The following HS3ST3A1 variants were observed in gnomAD, a reference collection of about 807,000 sequenced individuals.
HS3ST3A1 encodes the protein heparan sulfate glucosamine 3-O-sulfotransferase 3A1.
A neutral mutation model predicts 25.7 loss-of-function variants in HS3ST3A1; 19 were observed. That is an observed-to-expected ratio of 0.74 (90% CI 0.52 to 1.08). The LOEUF is 1.08. HS3ST3A1 is among the 50% of genes least tolerant of loss of function. The probability of loss-of-function intolerance (pLI) is 0.00; values close to 1 mark genes in which losing one functional copy is unlikely to be tolerated. For synonymous variants in HS3ST3A1, 226 were observed against 278.6 expected, an observed-to-expected ratio of 0.81 and a Z score of 1.88; for missense variants, 459 against 594.3, an observed-to-expected ratio of 0.77 and a Z score of 2.37.
At chr17:13,558,309 T>G (rs558060129) in intron 1 of HS3ST3A1, among the ~76,000 whole-genome samples, 1 of 152,002 alleles carries the variant, frequency 6.6e-6, no homozygotes, top group African/African-American at 2.4e-5. Flanking sequence ...AAACAAAAAT[T>G]GGATGTGCAA....
At chr17:13,555,949 T>C (rs1265266603) in intron 1 of HS3ST3A1, 2 of 152,140 alleles carry the variant, frequency 1.3e-5, no homozygotes, top group Non-Finnish European at 2.9e-5. Flanking sequence ...ATACCTTTGG[T>C]TTCGTTAGAT....
chr17:13,546,707 T>C (rs972354174), intron 1 of HS3ST3A1, among the ~76,000 whole-genome samples: 3 of 152,224 alleles, frequency 2.0e-5, no homozygotes, highest in African/African-American at 7.2e-5. Context: ...CTTAATTTGC[T>C]CACCTGAAAA....
intron 1 of HS3ST3A1, among the ~76,000 whole-genome samples, chr17:13,566,567 C>G (rs1907680212): frequency 6.6e-6 from 1 of 152,318 alleles, no homozygotes; most frequent in African/African-American, 2.4e-5. Context: ...AGGCTGAAAG[C>G]TAGGCCTCCT....
At chr17:13,565,694 G>A (rs899774617) in intron 1 of HS3ST3A1, among the ~76,000 whole-genome samples, 2 of 152,200 alleles carry the variant, frequency 1.3e-5, no homozygotes, top group African/African-American at 2.4e-5. Context: ...GGATGGATGA[G>A]TGTGTTTACC....
At chr17:13,542,985 C>G (rs1222442269) in intron 1 of HS3ST3A1, among the ~76,000 whole-genome samples, 20 of 152,174 alleles carry the variant, frequency 1.3e-4, no homozygotes. Context: ...GCTGCACACA[C>G]AGCAGTTCCT....
intron 1 of HS3ST3A1, among the ~76,000 whole-genome samples, chr17:13,585,300 A>C (rs1474606600): frequency 7.1e-6 from 1 of 141,202 alleles, no homozygotes; most frequent in East Asian, 2.2e-4. Flanking sequence ...CCCGGGTTCA[A>C]GCGATTCTCC....
intron 1 of HS3ST3A1, among the ~76,000 whole-genome samples, chr17:13,506,901 CAAAAAA>C (rs958583882): frequency 3.0e-5 from 3 of 101,240 alleles, no homozygotes; most frequent in Non-Finnish European, 6.5e-5. Context: ...TACTAAAATA[CAAAAAA>C]AAAAAAAAAA....
intron 1 of HS3ST3A1, among the ~76,000 whole-genome samples, chr17:13,500,850 T>TA (rs751850622): frequency 6.6e-6 from 1 of 152,148 alleles, no homozygotes; most frequent in Admixed American, 6.5e-5. Flanking sequence ...GAATTCACAA[T>TA]AGCCAAAGAG....
At chr17:13,593,065 A>G (rs1022931676) in intron 1 of HS3ST3A1, among the ~76,000 whole-genome samples, 2 of 152,188 alleles carry the variant, frequency 1.3e-5, no homozygotes, top group African/African-American at 4.8e-5. Flanking sequence ...AGTGTCTACA[A>G]CAAAGGTTAA....
Position 13,534,547 on chromosome 17 carries a change from C to CAAAAAAAAAAAAAAAA in HS3ST3A1, c.600-37745_600-37730dup, listed in dbSNP as rs34383911. Among the ~76,000 whole-genome samples, 19 of 32,816 alleles carry CAAAAAAAAAAAAAAAA rather than the reference C, an allele frequency of 5.8e-4. 1 individual carries two copies. Among genetic ancestry groups the CAAAAAAAAAAAAAAAA allele is most frequent in the Admixed American group, 1.0e-3 (2 of 1,914 alleles). 21.5% of individuals were successfully genotyped at this position (32,816 alleles called of 152,430 possible). On this transcript the variant is annotated intron_variant, in intron 1 of 1. Transcript: ENST00000284110. ...GGTGAAACTTCATCTCTACAAAATCCAAAAAAAAAAAAAAAAAAAAAAAAA... is the reference window on the plus strand; with the variant it reads ...GGTGAAACTTCATCTCTACAAAATCCAAAAAAAAAAAAAAAAAAAAAAAAAAAAAAAAAAAAAAAAA...
At chr17:13,553,090 T>G (rs986299423) in intron 1 of HS3ST3A1, among the ~76,000 whole-genome samples, 3 of 152,178 alleles carry the variant, frequency 2.0e-5, no homozygotes, top group African/African-American at 7.2e-5. Flanking sequence ...ACAATGTTTT[T>G]CATGGGGCAG....
chr17:13,531,540 A>T (rs1328791737), intron 1 of HS3ST3A1, among the ~76,000 whole-genome samples: 1 of 90,382 alleles, frequency 1.1e-5, no homozygotes. Flanking sequence ...CTCCTTCCCC[A>T]CCCCCACCCA....
intron 1 of HS3ST3A1, among the ~76,000 whole-genome samples, chr17:13,515,248 C>T (rs1388028699): frequency 6.6e-6 from 1 of 152,186 alleles, no homozygotes; most frequent in African/African-American, 2.4e-5. Context: ...CAACTTCCAC[C>T]TCTTGGGTTC....
chr17:13,502,020 C>A (rs1361699459), intron 1 of HS3ST3A1, among the ~76,000 whole-genome samples: 2 of 152,186 alleles, frequency 1.3e-5, no homozygotes, highest in African/African-American at 4.8e-5. Context: ...GGCATGGGTG[C>A]AGTTGTGCCA....
chr17:13,539,030 G>C (rs934888386), intron 1 of HS3ST3A1, among the ~76,000 whole-genome samples: 1 of 152,220 alleles, frequency 6.6e-6, no homozygotes, highest in Non-Finnish European at 1.5e-5. Context: ...GGAGAGGTCA[G>C]CTGGGGCTAG....
At chr17:13,512,786 T>G (rs147722052) in intron 1 of HS3ST3A1, among the ~76,000 whole-genome samples, 2 of 152,320 alleles carry the variant, frequency 1.3e-5, no homozygotes, top group East Asian at 3.9e-4. Flanking sequence ...ACTGCGTAAG[T>G]ATGTAGTAGT....
chr17:13,529,418 C>T (rs1165263294), intron 1 of HS3ST3A1, among the ~76,000 whole-genome samples: 1 of 152,008 alleles, frequency 6.6e-6, no homozygotes, highest in Non-Finnish European at 1.5e-5. Flanking sequence ...ACCATCCATC[C>T]TAAGGAAGTT....
chr17:13,599,836 G>A lies in HS3ST3A1; in HGVS notation c.599+695C>T, dbSNP rs563240799. 3.5e-3 allele frequency among the ~76,000 whole-genome samples: 532 copies of A among 152,290 alleles called. 3 individuals carry two copies. Among genetic ancestry groups the A allele is most frequent in the African/African-American group, 0.012 (503 of 41,570 alleles). On this transcript the variant is annotated intron_variant, in intron 1 of 1. Transcript: ENST00000284110. ...AAGAGGATTGAAGATCTTTAGAAAA[G>A]TTTCTGTCAGTCAAAAGACAAAAGT...
At chr17:13,504,641 A>AAGTATAAGTAT in intron 1 of HS3ST3A1, among the ~76,000 whole-genome samples, 1 of 152,208 alleles carries the variant, frequency 6.6e-6, no homozygotes, top group Admixed American at 6.5e-5. Flanking sequence ...GTACTTGAAT[A>AAGTATAAGTAT]AAGATTTTAC....
Sources: gnomAD v4.1 joint callset for allele counts (sites outside exome capture counted in the v4.1 genomes callset) on GRCh38, gnomAD v4.1.1 for gene constraint, MANE v1.5 for transcripts, NCBI Gene and HGNC (gene_info 2026-07-23, HGNC 2026-07-21) for gene names.